The following PDGFD variants were observed in gnomAD, a reference collection of about 807,000 sequenced individuals.
PDGFD encodes the protein platelet-derived growth factor D.
A neutral mutation model predicts 44.7 loss-of-function variants in PDGFD; 30 were observed. The observed-to-expected ratio is 0.67, with a 90% CI of 0.50 to 0.91. PDGFD has a LOEUF of 0.91. Ranked by LOEUF, PDGFD falls within the 40% of genes least tolerant of loss-of-function variation. PDGFD has a pLI of 0.00. For missense variants in PDGFD, 445 were observed against 457.8 expected, an observed-to-expected ratio of 0.97 and a Z score of 0.25; for synonymous variants, 173 against 168.4, an observed-to-expected ratio of 1.03 and a Z score of -0.21.
intron 6 of PDGFD, among the ~76,000 whole-genome samples, chr11:103,913,402 C>T (rs375776215): frequency 3.9e-5 from 6 of 152,148 alleles, no homozygotes; most frequent in East Asian, 3.8e-4. Context: ...TGAATGACTA[C>T]TGGGTAAATA....
At chr11:104,080,942 T>C (rs1861038268) in intron 1 of PDGFD, among the ~76,000 whole-genome samples, 1 of 152,152 alleles carries the variant, frequency 6.6e-6, no homozygotes, top group Admixed American at 6.5e-5. Flanking sequence ...CTGCCAGCTA[T>C]ATGACTGAGT....
At chr11:104,147,752 T>C (rs1862184304) in intron 1 of PDGFD, among the ~76,000 whole-genome samples, 3 of 152,172 alleles carry the variant, frequency 2.0e-5, no homozygotes, top group Admixed American at 2.0e-4. Context: ...TACAAAATAA[T>C]ACAAATACAA....
intron 1 of PDGFD, among the ~76,000 whole-genome samples, chr11:104,089,389 A>T (rs552129187): frequency 1.3e-5 from 2 of 152,296 alleles, no homozygotes; most frequent in South Asian, 4.1e-4. Flanking sequence ...TAAAAATAAC[A>T]GTGCTAAGAG....
chr11:104,025,750 G>T (rs535062253), intron 1 of PDGFD, among the ~76,000 whole-genome samples: 2 of 152,312 alleles, frequency 1.3e-5, no homozygotes, highest in East Asian at 3.9e-4. Flanking sequence ...AGCACAGGGA[G>T]ATGAGGCAGG....
At chr11:104,029,911 C>T (rs992078229) in intron 1 of PDGFD, among the ~76,000 whole-genome samples, 1 of 152,004 alleles carries the variant, frequency 6.6e-6, no homozygotes, top group African/African-American at 2.4e-5. Flanking sequence ...AATTACAGGC[C>T]GAACATCCCT....
At chr11:103,913,534 C>T (rs1858065718) in intron 6 of PDGFD, among the ~76,000 whole-genome samples, 1 of 152,094 alleles carries the variant, frequency 6.6e-6, no homozygotes, top group Admixed American at 6.5e-5. Context: ...CACTAGATGC[C>T]TACAAGAGAA....
At chr11:104,037,799 T>A in intron 1 of PDGFD, 1 of 1,614,148 alleles carries the variant, frequency 6.2e-7, no homozygotes, top group Non-Finnish European at 8.5e-7. Flanking sequence ...GATCAACCCA[T>A]GGATATGCTT....
intron 5 of PDGFD, among the ~76,000 whole-genome samples, chr11:103,938,582 G>T (rs868368584): frequency 0.026 from 3,879 of 152,112 alleles, 172 homozygotes; most frequent in African/African-American, 0.089. Flanking sequence ...GTCAATTTTG[G>T]CTTTTGTTGC....
At chr11:103,949,980 T>C (rs1006185129) in intron 3 of PDGFD, among the ~76,000 whole-genome samples, 4 of 152,102 alleles carry the variant, frequency 2.6e-5, no homozygotes, top group Non-Finnish European at 4.4e-5. Context: ...GGGGAAACTA[T>C]GAGTCATGTT....
chr11:104,117,002 G>A (rs1324272649), intron 1 of PDGFD, among the ~76,000 whole-genome samples: 2 of 151,900 alleles, frequency 1.3e-5, no homozygotes, highest in African/African-American at 4.8e-5. Flanking sequence ...TTTATTAGCA[G>A]TGTGCAAACG....
At chr11:104,070,923 G>A (rs990839900) in intron 1 of PDGFD, among the ~76,000 whole-genome samples, 15 of 152,048 alleles carry the variant, frequency 9.9e-5, no homozygotes, top group Admixed American at 3.9e-4. Flanking sequence ...AACAGACTGC[G>A]GTGTAAAAAG....
chr11:104,063,319 TGA>T (rs1210675995), intron 1 of PDGFD, among the ~76,000 whole-genome samples: 1 of 151,032 alleles, frequency 6.6e-6, no homozygotes, highest in African/African-American at 2.4e-5. Context: ...TGTGTGTGTG[TGA>T]GAGAGAGAGG....
Position 104,045,480 on chromosome 11 carries a change from C to CA in PDGFD, c.125-45226dup, listed in dbSNP as rs200299115. Among the ~76,000 whole-genome samples the CA allele has an allele frequency of 3.7e-3, 554 of 150,870 alleles. 6 individuals are homozygous for CA. The highest frequency in any genetic ancestry group is 0.011 in the South Asian group (53 of 4,764). Reference sequence around the variant, plus strand: ...TTAGAAATGGTACATGTTTATGCAACAAAAAAAAGTGAGTACAAACTGACA... The same window carrying CA: ...TTAGAAATGGTACATGTTTATGCAACAAAAAAAAAGTGAGTACAAACTGACA... On this transcript the variant is annotated intron_variant, in intron 1 of 6. Coordinates refer to ENST00000393158, the MANE Select transcript of PDGFD (RefSeq NM_025208.5).
chr11:104,141,173 A>T (rs1458345694), intron 1 of PDGFD, among the ~76,000 whole-genome samples: 2 of 152,208 alleles, frequency 1.3e-5, no homozygotes, highest in Non-Finnish European at 2.9e-5. Flanking sequence ...AACTAAAACC[A>T]ACGTAGTTAA....
intron 1 of PDGFD, among the ~76,000 whole-genome samples, chr11:104,062,486 G>A (rs1322008018): frequency 1.3e-5 from 2 of 152,220 alleles, no homozygotes; most frequent in African/African-American, 2.4e-5. Flanking sequence ...GCCCATTTAA[G>A]TTTTGAATTA....
At chr11:104,039,799 T>C (rs538261959) in intron 1 of PDGFD, among the ~76,000 whole-genome samples, 14 of 152,292 alleles carry the variant, frequency 9.2e-5, no homozygotes, top group African/African-American at 2.9e-4. Context: ...TGCAAAGTCC[T>C]CAGCATCTTC....
chr11:104,008,355 T>C (rs1477385693), intron 1 of PDGFD, among the ~76,000 whole-genome samples: 1 of 152,190 alleles, frequency 6.6e-6, no homozygotes, highest in Non-Finnish European at 1.5e-5. Flanking sequence ...CAAACACTTT[T>C]GCTAACTATA....
At chr11:103,914,475 A>C (rs2408809) in intron 6 of PDGFD, among the ~76,000 whole-genome samples, 69,606 of 151,938 alleles carry the variant, frequency 0.46, 16,054 homozygotes, top group South Asian at 0.49. Flanking sequence ...CCAACCAAAA[A>C]AAGTCCAGGA....
chr11:103,913,470 T>C (rs11226071), intron 6 of PDGFD, among the ~76,000 whole-genome samples: 69,624 of 151,938 alleles, frequency 0.46, 16,055 homozygotes, highest in South Asian at 0.49. Context: ...AAAGACACAA[T>C]GTACCAGAAT....
Sources: allele counts gnomAD v4.1 joint callset (sites outside exome capture counted in the v4.1 genomes callset), GRCh38; gene constraint gnomAD v4.1.1; transcripts MANE v1.5; gene names NCBI Gene and HGNC (gene_info 2026-07-23, HGNC 2026-07-21).